Variants in XKR9 observed in about 807,000 individuals in gnomAD.
XKR9 encodes XK-related protein 9.
XKR9 carries 32 observed loss-of-function variants against 32.0 expected under a neutral mutation model. The ratio of observed to expected loss-of-function variants is 1.00; its 90% CI spans 0.76 to 1.34. The LOEUF (loss-of-function observed/expected upper bound fraction) is 1.34. XKR9 is among the 40% of genes most tolerant of loss of function. XKR9 has a pLI of 0.00. For missense variants in XKR9, 546 were observed against 429.7 expected, an observed-to-expected ratio of 1.27 and a Z score of -2.39; for synonymous variants, 168 against 143.4, an observed-to-expected ratio of 1.17 and a Z score of -1.22.
intron 2 of XKR9, among the ~76,000 whole-genome samples, chr8:70,782,576 C>T (rs898095599): frequency 4.0e-5 from 6 of 151,786 alleles, no homozygotes; most frequent in African/African-American, 1.2e-4. Context: ...ATAATCTTCC[C>T]ATCTCTCCCA....
chr8:70,867,551 A>G, the XKR9 span, among the ~76,000 whole-genome samples: 1,428 of 152,294 alleles, frequency 9.4e-3, 22 homozygotes, highest in African/African-American at 0.033. Flanking sequence ...TCCCTGGTTC[A>G]AGTGACTCTC....
At chr8:71,010,615 G>T in the XKR9 span, among the ~76,000 whole-genome samples, 8 of 152,126 alleles carry the variant, frequency 5.3e-5, no homozygotes, top group Non-Finnish European at 1.0e-4. Context: ...ACAAGAAGTT[G>T]CTGGGAAACA....
chr8:71,062,920 G>A, the XKR9 span, among the ~76,000 whole-genome samples: 1 of 151,780 alleles, frequency 6.6e-6, no homozygotes, highest in African/African-American at 2.4e-5. Context: ...TTTGTCTCCG[G>A]CCCCTCTGTA....
the XKR9 span, among the ~76,000 whole-genome samples, chr8:70,878,128 C>G: frequency 6.6e-6 from 1 of 152,150 alleles, no homozygotes; most frequent in East Asian, 1.9e-4. Flanking sequence ...TTGTCACCAC[C>G]AGGCCTGCCT....
At chr8:70,876,872 TAATA>T in the XKR9 span, among the ~76,000 whole-genome samples, 32 of 152,284 alleles carry the variant, frequency 2.1e-4, no homozygotes, top group African/African-American at 7.5e-4. Flanking sequence ...TGAAGTATTC[TAATA>T]AATAATGTAG....
At chr8:70,957,194 T>G in the XKR9 span, among the ~76,000 whole-genome samples, 1 of 152,176 alleles carries the variant, frequency 6.6e-6, no homozygotes, top group Non-Finnish European at 1.5e-5. Context: ...TTAGGAATCT[T>G]GAGGAAAAAA....
In XKR9 at chr8:70,787,236, AT is replaced by A. The variant is rs565868077; in HGVS notation, n.353-2096del. On this transcript the variant is annotated intron_variant and non_coding_transcript_variant, in intron 2 of 3. Coordinates refer to the XKR9 transcript ENST00000520273. ...GCTGCTTGTTTACATACAGACAAGA[AT>A]TTTTTTAAAGAAGTAAGAATAATGA... Among the ~76,000 whole-genome samples, 305 of 152,236 alleles carry A rather than the reference AT, an allele frequency of 2.0e-3. 1 individual carries two copies. The highest frequency in any genetic ancestry group is 7.0e-3 in the African/African-American group (293 of 41,574).
chr8:70,784,138 T>G (rs529696871), intron 2 of XKR9, among the ~76,000 whole-genome samples: 19 of 152,326 alleles, frequency 1.2e-4, no homozygotes, highest in African/African-American at 3.4e-4. Flanking sequence ...GGTAGTGTGA[T>G]GCCTCCAGCT....
the XKR9 span, among the ~76,000 whole-genome samples, chr8:71,025,497 G>A: frequency 6.6e-6 from 1 of 152,160 alleles, no homozygotes. Flanking sequence ...TTCAAAAGCT[G>A]TCTCTATTGT....
chr8:70,901,926 C>T, the XKR9 span, among the ~76,000 whole-genome samples: 1 of 152,146 alleles, frequency 6.6e-6, no homozygotes. Context: ...ATCCTTTCCC[C>T]ATTGCTTGTT....
the XKR9 span, among the ~76,000 whole-genome samples, chr8:70,872,578 T>A: frequency 6.6e-6 from 1 of 152,208 alleles, no homozygotes; most frequent in African/African-American, 2.4e-5. Context: ...CTTCTAGGAC[T>A]TTCACAGATA....
intron 2 of XKR9, among the ~76,000 whole-genome samples, chr8:70,755,222 C>G (rs1807202825): frequency 6.6e-6 from 1 of 152,192 alleles, no homozygotes; most frequent in African/African-American, 2.4e-5. Flanking sequence ...CCATCTCACA[C>G]CACTTAGAGT....
the XKR9 span, among the ~76,000 whole-genome samples, chr8:70,983,213 C>T: frequency 6.6e-6 from 1 of 152,130 alleles, no homozygotes; most frequent in Non-Finnish European, 1.5e-5. Context: ...CATTCTTTCC[C>T]CTTTTCTGGA....
chr8:70,758,379 TC>T (rs1322986946), intron 2 of XKR9, among the ~76,000 whole-genome samples: 1 of 152,202 alleles, frequency 6.6e-6, no homozygotes, highest in Non-Finnish European at 1.5e-5. Flanking sequence ...TATAATTTTT[TC>T]TGTACACTAG....
chr8:70,944,379 GAAAC>G, the XKR9 span, among the ~76,000 whole-genome samples: 1 of 152,082 alleles, frequency 6.6e-6, no homozygotes, highest in Non-Finnish European at 1.5e-5. Context: ...AAAACAAAAC[GAAAC>G]AAACAAAAGA....
chr8:70,875,606 A>AG, the XKR9 span, among the ~76,000 whole-genome samples: 1 of 152,190 alleles, frequency 6.6e-6, no homozygotes, highest in Admixed American at 6.5e-5. Flanking sequence ...ATATCTGCCA[A>AG]GGGAGGCATA....
At chr8:70,884,039 T>C in the XKR9 span, among the ~76,000 whole-genome samples, 1,528 of 152,278 alleles carry the variant, frequency 0.01, 24 homozygotes, top group African/African-American at 0.035. Flanking sequence ...CACATTCTTG[T>C]CAGCATTTGG....
the XKR9 span, among the ~76,000 whole-genome samples, chr8:71,024,014 C>T: frequency 6.6e-6 from 1 of 152,142 alleles, no homozygotes; most frequent in African/African-American, 2.4e-5. Context: ...CCCCATGTCT[C>T]CAGCTGGCAT....
intron 2 of XKR9, among the ~76,000 whole-genome samples, chr8:70,776,766 G>C (rs564519281): frequency 6.6e-6 from 1 of 151,694 alleles, no homozygotes; most frequent in Non-Finnish European, 1.5e-5. Flanking sequence ...CTCGTCAGAA[G>C]GGCCTTCTCC....
Sources: allele counts gnomAD v4.1 joint callset (sites outside exome capture counted in the v4.1 genomes callset), GRCh38; gene constraint gnomAD v4.1.1; transcripts MANE v1.5; gene names NCBI Gene and HGNC (gene_info 2026-07-23, HGNC 2026-07-21).